Variants in RNF128 observed in about 807,000 individuals in gnomAD.
RNF128 encodes ring finger protein 128.
In RNF128, 13 loss-of-function variants were observed where a neutral mutation model predicts 26.2. The observed-to-expected ratio is 0.50, with a 90% CI of 0.32 to 0.79. The LOEUF is 0.79. Among genes scored for constraint, RNF128 ranks in the 30% least tolerant of loss-of-function variants. The pLI, the probability that RNF128 is intolerant of heterozygous loss-of-function variation, is 0.03. For missense variants in RNF128, 315 were observed against 349.7 expected, an observed-to-expected ratio of 0.90 and a Z score of 0.79; for synonymous variants, 149 against 142.5, an observed-to-expected ratio of 1.05 and a Z score of -0.32.
Position 106,726,750 on chromosome X carries a change from T to C in RNF128, c.-164T>C. 1 of 1,058,738 alleles carries C rather than the reference T, an allele frequency of 9.4e-7. No individual in the cohort carries two copies. Among genetic ancestry groups the C allele is most frequent in the Non-Finnish European group, 1.2e-6 (1 of 827,683 alleles). 87.3% of individuals were successfully genotyped at this position (1,058,738 alleles called of 1,213,427 possible). On this transcript the variant is annotated 5_prime_UTR_variant, in exon 1 of 7. Coordinates refer to ENST00000255499, the MANE Select transcript of RNF128 (RefSeq NM_194463.2). ...CCGAGGAGCTGCATCTGCGGCAACC[T>C]GTGTGCTGACGCTACGTGCCTCCTG...
At chrX:106,753,228 A>G (rs1316326534) in intron 1 of RNF128, among the ~76,000 whole-genome samples, 2 of 111,917 alleles carry the variant, frequency 1.8e-5, no homozygotes, top group Admixed American at 9.5e-5. Flanking sequence ...GAACCTATCA[A>G]AAATAATAAC....
At chrX:106,788,975 T>C (rs1343305901) in intron 4 of RNF128, among the ~76,000 whole-genome samples, 4 of 80,444 alleles carry the variant, frequency 5.0e-5, no homozygotes, top group African/African-American at 1.9e-4. Flanking sequence ...TACATATATA[T>C]ACTATATGTA....
In RNF128 at chrX:106,785,179, C is replaced by T. The variant is rs778392960; in HGVS notation, c.804+43C>T. The T allele has an allele frequency of 1.5e-5, 15 of 971,156 alleles. No homozygotes were observed. In the East Asian group the frequency reaches 4.8e-4, roughly 31 times the overall value. 80.0% of individuals were successfully genotyped at this position (971,156 alleles called of 1,213,427 possible). ...AAATGCTATTTATTTTAAAGCAGTGCTACCAAGCCATTGTTCAGGCTAAAT... is the reference window on the plus strand; with the variant it reads ...AAATGCTATTTATTTTAAAGCAGTGTTACCAAGCCATTGTTCAGGCTAAAT... On this transcript the variant is annotated intron_variant, in intron 3 of 6. Transcript: ENST00000255499.
At chrX:106,752,540 T>G (rs1309121924) in intron 1 of RNF128, among the ~76,000 whole-genome samples, 1 of 112,342 alleles carries the variant, frequency 8.9e-6, no homozygotes, top group African/African-American at 3.2e-5. Flanking sequence ...AAAACTTAGA[T>G]CACAACACTC....
chrX:106,735,450 A>G (rs992312294), intron 1 of RNF128, among the ~76,000 whole-genome samples: 10 of 111,953 alleles, frequency 8.9e-5, no homozygotes, highest in African/African-American at 2.9e-4. Flanking sequence ...GCTTTTAAAA[A>G]GAAAATGCAC....
At chrX:106,719,978 T>A (rs751213689) in intron 1 of RNF128, among the ~76,000 whole-genome samples, 6 of 111,026 alleles carry the variant, frequency 5.4e-5, no homozygotes, top group Non-Finnish European at 1.1e-4. Flanking sequence ...AAATAGTTGT[T>A]TTTCTTTCTT....
chrX:106,755,184 C>G (rs1929979522), intron 1 of RNF128, among the ~76,000 whole-genome samples: 4 of 111,434 alleles, frequency 3.6e-5, no homozygotes, highest in Non-Finnish European at 7.5e-5. Flanking sequence ...CCTAGACACA[C>G]AGAACCTTCC....
At chrX:106,701,142 A>G (rs1603077375) in intron 1 of RNF128, among the ~76,000 whole-genome samples, 1 of 111,854 alleles carries the variant, frequency 8.9e-6, no homozygotes, top group African/African-American at 3.2e-5. Flanking sequence ...TGAATTTTCA[A>G]GATAAGTGAT....
At chrX:106,748,019 T>C (rs1372129709) in intron 1 of RNF128, among the ~76,000 whole-genome samples, 1 of 112,221 alleles carries the variant, frequency 8.9e-6, no homozygotes, top group East Asian at 2.8e-4. Flanking sequence ...GAGTACTGTC[T>C]GTCTTCTGTA....
intron 1 of RNF128, among the ~76,000 whole-genome samples, chrX:106,703,370 A>C (rs1017813895): frequency 4.5e-5 from 5 of 111,883 alleles, no homozygotes; most frequent in African/African-American, 1.6e-4. Context: ...AATCATCCCA[A>C]CAACTGCTAT....
intron 1 of RNF128, among the ~76,000 whole-genome samples, chrX:106,703,195 A>G (rs1028067320): frequency 1.8e-5 from 2 of 112,039 alleles, no homozygotes; most frequent in African/African-American, 6.5e-5. Flanking sequence ...CTTTCCATTT[A>G]TATTTTAAAT....
intron 1 of RNF128, among the ~76,000 whole-genome samples, chrX:106,701,341 G>A (rs1259387494): frequency 9.0e-6 from 1 of 111,383 alleles, no homozygotes; most frequent in Non-Finnish European, 1.9e-5. Context: ...AAGCTTCTGG[G>A]AGATAGTCTT....
intron 1 of RNF128, among the ~76,000 whole-genome samples, chrX:106,763,369 G>A (rs1930151160): frequency 9.0e-6 from 1 of 111,579 alleles, no homozygotes; most frequent in Non-Finnish European, 1.9e-5. Context: ...TACTAAACTA[G>A]GTGACCAGAG....
Position 106,791,153 on chromosome X carries a change from C to T in RNF128, c.1072C>T (p.Arg358Cys). The change falls in exon 6 of 7, where the codon CGC becomes TGC. Residue 358 changes from arginine (R) to cysteine (C), a missense_variant. Transcript: ENST00000255499. ...TGCCTCCTCCCATGAAGAGGATAATCGCAGCGAGACCGCATCATCTGGATA... is the reference window on the plus strand; with the variant it reads ...TGCCTCCTCCCATGAAGAGGATAATTGCAGCGAGACCGCATCATCTGGATA... ...NSASSHEEDN[R>C]SETASSGYAS... 8.3e-7 allele frequency: 1 copy of T among 1,208,854 alleles called. No individual in the cohort carries two copies. Among genetic ancestry groups the T allele is most frequent in the Non-Finnish European group, 1.1e-6 (1 of 893,588 alleles).
chrX:106,759,406 G>A (rs901527723), intron 1 of RNF128, among the ~76,000 whole-genome samples: 7 of 111,093 alleles, frequency 6.3e-5, no homozygotes, highest in East Asian at 2.8e-4. Context: ...TAGAATTACC[G>A]TATAATCCAG....
chrX:106,783,611 T>C (rs547293125), intron 2 of RNF128, among the ~76,000 whole-genome samples: 3 of 111,733 alleles, frequency 2.7e-5, no homozygotes, highest in East Asian at 5.6e-4. Flanking sequence ...AGATCACTTA[T>C]CTTGCCATGC....
chrX:106,769,966 ATTTG>A (rs1930340501), intron 1 of RNF128, among the ~76,000 whole-genome samples: 2 of 111,072 alleles, frequency 1.8e-5, no homozygotes, highest in South Asian at 7.7e-4. Flanking sequence ...ATCTCTCAGC[ATTTG>A]TTTGTCTGTA....
At chrX:106,768,078 G>T (rs964495306) in intron 1 of RNF128, among the ~76,000 whole-genome samples, 3 of 111,984 alleles carry the variant, frequency 2.7e-5, no homozygotes, top group African/African-American at 9.7e-5. Flanking sequence ...CTTGATTGTG[G>T]TGGATAAGCT....
intron 1 of RNF128, among the ~76,000 whole-genome samples, chrX:106,744,250 A>T (rs1410498333): frequency 1.8e-5 from 2 of 111,220 alleles, no homozygotes; most frequent in Non-Finnish European, 3.8e-5. Context: ...AAAGTATAAT[A>T]AAAAAAAGAT....
Sources: gnomAD v4.1 joint callset for allele counts (sites outside exome capture counted in the v4.1 genomes callset) on GRCh38, gnomAD v4.1.1 for gene constraint, MANE v1.5 for transcripts, NCBI Gene and HGNC (gene_info 2026-07-23, HGNC 2026-07-21) for gene names.